The following SLC2A11 variants were observed in gnomAD, a reference collection of about 807,000 sequenced individuals.
SLC2A11 encodes the protein solute carrier family 2 member 11.
SLC2A11 carries 43 observed loss-of-function variants against 52.1 expected under a neutral mutation model. That is an observed-to-expected ratio of 0.82 (90% CI 0.65 to 1.06). The LOEUF is 1.06. Among genes scored for constraint, SLC2A11 ranks in the 50% least tolerant of loss-of-function variants. The pLI is 0.00. For synonymous variants in SLC2A11, 261 were observed against 277.6 expected (o/e 0.94, Z 0.59); for missense variants, 582 against 654.2 (o/e 0.89, Z 1.20).
intron 3 of SLC2A11, chr22:23,869,025 G>A: frequency 5.1e-6 from 1 of 196,644 alleles, no homozygotes; most frequent in East Asian, 1.2e-4. Flanking sequence ...GAAGGATAGT[G>A]GGGCAGCTCA....
At chr22:23,873,816 C>T (rs1051547757) in intron 3 of SLC2A11, among the ~76,000 whole-genome samples, 1 of 152,144 alleles carries the variant, frequency 6.6e-6, no homozygotes, top group Non-Finnish European at 1.5e-5. Context: ...ATTGGAGTTA[C>T]CACTGGATCG....
Position 23,884,393 on chromosome 22 carries a change from G to A in SLC2A11, c.1263G>A (p.Met421Ile). Residue 421 changes from methionine (M) to isoleucine (I), a missense_variant, in exon 11 of 12, where the codon ATG (methionine) becomes ATA (isoleucine). By Grantham distance (10) the Met-to-Ile change is conservative. Coordinates refer to ENST00000316185, the MANE Select transcript of SLC2A11 (RefSeq NM_001024939.4). This position sits in a 1 kb window ranked among gnomAD's most constrained non-coding sequence, Gnocchi z 4.3. ...CMVCGALMWI[M>I]LILVGLGFPF... ...TCTGCGGGGCGCTCATGTGGATCATGCTCATCCTGGTCGGCCTGGGATTTC... is the reference window on the plus strand; with the variant it reads ...TCTGCGGGGCGCTCATGTGGATCATACTCATCCTGGTCGGCCTGGGATTTC... 1 of 1,614,008 alleles carries A rather than the reference G, an allele frequency of 6.2e-7. No homozygotes were observed. The highest frequency in any genetic ancestry group is 1.3e-5 in the African/African-American group (1 of 75,042).
intron 8 of SLC2A11, 188 bp downstream of exon 8, chr22:23,883,057 G>A (rs746394797): frequency 5.9e-6 from 4 of 680,422 alleles, no homozygotes; most frequent in East Asian, 2.8e-5. Flanking sequence ...TCAGGAGTTC[G>A]AGACCAGCCT....
chr22:23,880,855 A>G (rs2146140260), intron 6 of SLC2A11: 1 of 152,310 alleles, frequency 6.6e-6, no homozygotes, highest in South Asian at 2.1e-4. Flanking sequence ...CAGCAAGCTT[A>G]GAATATGCAT....
chr22:23,879,140 T>A (rs1223557225), intron 6 of SLC2A11, among the ~76,000 whole-genome samples: 2 of 152,076 alleles, frequency 1.3e-5, no homozygotes, highest in African/African-American at 4.8e-5. Flanking sequence ...TTCTTTTATT[T>A]TTTTTATTTT....
In SLC2A11 at chr22:23,886,144, C is replaced by T. The variant is rs2032989070; in HGVS notation, c.*1295C>T. The T allele has an allele frequency of 6.6e-6, 1 of 152,216 alleles. No homozygotes were observed. Among genetic ancestry groups the T allele is most frequent in the Non-Finnish European group, 1.5e-5 (1 of 68,062 alleles). The allele number at this position is 152,216 out of a possible 1,614,324, so 9.4% of individuals were successfully genotyped here. On this transcript the variant is annotated 3_prime_UTR_variant, in exon 12 of 12. Transcript: ENST00000316185. ...GGCTCCAGATAAAGTTTTTGGGATT[C>T]ATGAATGTTGTTGCACGTATTAGGA... is the stretch of plus-strand genomic sequence containing the variant.
rs754514821 is a variant in SLC2A11 at position 23,877,028 on chromosome 22, G to C, written c.416-14G>C. The C allele has an allele frequency of 5.0e-6, 8 of 1,613,880 alleles. No homozygotes were observed. The highest frequency in any genetic ancestry group is 3.3e-4 in the Middle Eastern group (2 of 6,060). On this transcript the variant is annotated splice_polypyrimidine_tract_variant and intron_variant, in intron 4 of 11. Coordinates refer to ENST00000316185, the MANE Select transcript of SLC2A11 (RefSeq NM_001024939.4). ...AGCTGGTGGCTGACGTGCCTCTGCT[G>C]TGCACACGTCCAGGTGTGAGCATGA...
chr22:23,883,054 TTC>T (rs2032883594), intron 8 of SLC2A11, 185 bp downstream of exon 8: 12 of 683,510 alleles, frequency 1.8e-5, no homozygotes, highest in Non-Finnish European at 3.2e-5. Flanking sequence ...AGGTCAGGAG[TTC>T]GAGACCAGCC....
At chr22:23,866,367 G>T in intron 2 of SLC2A11, 1 of 164,500 alleles carries the variant, frequency 6.1e-6, no homozygotes. Flanking sequence ...GCTGGGCAGG[G>T]GAGAGCTGGC....
chr22:23,868,275 G>A, intron 2 of SLC2A11: 1 of 586,062 alleles, frequency 1.7e-6, no homozygotes. Context: ...GAGAGATATT[G>A]CCCATGAAAG....
chr22:23,882,974 T>C (rs767280904), intron 8 of SLC2A11, 105 bp downstream of exon 8: 11 of 1,095,140 alleles, frequency 1.0e-5, no homozygotes, highest in African/African-American at 1.6e-5. Context: ...TAAAATGCAG[T>C]GAGGGGCCAG....
intron 3 of SLC2A11, among the ~76,000 whole-genome samples, chr22:23,874,766 T>C (rs2032561847): frequency 6.6e-6 from 1 of 152,062 alleles, no homozygotes; most frequent in African/African-American, 2.4e-5. Flanking sequence ...TTTTTTTGTA[T>C]TTTTTGTAGA....
chr22:23,869,971 A>G lies in SLC2A11; in HGVS notation c.290+1330A>G, dbSNP rs557553226. On this transcript the variant is annotated intron_variant, in intron 3 of 11. Transcript: ENST00000316185. ...TTATAAAGCACTAGTCCCATCAATGAAGGTGGAGTTCTCATGGCCTAATCA... is the reference window on the plus strand; with the variant it reads ...TTATAAAGCACTAGTCCCATCAATGGAGGTGGAGTTCTCATGGCCTAATCA... 8 of 717,486 alleles carry G rather than the reference A, an allele frequency of 1.1e-5. No individual in the cohort carries two copies. The South Asian group carries it at 1.2e-4, about 11-fold the overall frequency. The allele number at this position is 717,486 out of a possible 1,614,324, so 44.4% of individuals were successfully genotyped here.
At position 23,882,592 on chromosome 22, in the gene SLC2A11, G is replaced by C. The variant is rs1323426470; in HGVS notation, c.828G>C (p.Gln276His). The C allele has an allele frequency of 1.9e-6, 3 of 1,613,482 alleles. No homozygotes were observed. Among genetic ancestry groups the C allele is most frequent in the South Asian group, 2.2e-5 (2 of 91,044 alleles). Residue 276 changes from glutamine (Q) to histidine (H), a missense_variant, in exon 7 of 12, where the codon CAG becomes CAC. Physicochemically the swap from Gln to His is conservative, Grantham distance 24. Transcript: ENST00000316185. ...TCCAGCATCGGGCCCTGAGGAGACA[G>C]GTGACAAGCCTCGTGGTTCTGGGCA... ...ELFQHRALRR[Q>H]VTSLVVLGSA...
Position 23,884,673 on chromosome 22 carries a change from G to A in SLC2A11, c.1324G>A (p.Val442Ile). 1 of 1,613,882 alleles carries A rather than the reference G, an allele frequency of 6.2e-7. No homozygotes were observed. Among genetic ancestry groups the A allele is most frequent in the Non-Finnish European group, 8.5e-7 (1 of 1,179,928 alleles). ...IMEALSHFLY[V>I]PFLGVCVCGA... is the part of the protein sequence containing the mutation. ...GGAGGCCTTGTCCCACTTCCTCTAT[G>A]TCCCTTTCCTTGGTGTCTGTGTCTG... Residue 442 changes from valine (V) to isoleucine (I), a missense_variant, in exon 12 of 12, where the codon GTC becomes ATC. Transcript: ENST00000316185. The surrounding 1 kb of genome is among the most constrained non-coding windows in gnomAD (Gnocchi z 4.3).
chr22:23,873,495 A>T (rs2032524509), intron 3 of SLC2A11, among the ~76,000 whole-genome samples: 1 of 151,978 alleles, frequency 6.6e-6, no homozygotes, highest in Non-Finnish European at 1.5e-5. Context: ...TTTTTAGTAG[A>T]GATGGGGTTT....
At chr22:23,857,710 T>TTCACTGCGCC, upstream of SLC2A11, 1 of 730,944 alleles carries the variant, frequency 1.4e-6, no homozygotes, top group Non-Finnish European at 1.7e-6. Flanking sequence ...GGCTCTGCGC[T>TTCACTGCGCC]TCACTGCGCC....
chr22:23,862,588 C>T (rs1451000840), intron 2 of SLC2A11, among the ~76,000 whole-genome samples: 1 of 152,168 alleles, frequency 6.6e-6, no homozygotes, highest in Non-Finnish European at 1.5e-5. Flanking sequence ...CAGCCTCTCC[C>T]CACCTTGATC....
chr22:23,857,352 C>T (rs2031870785), upstream of SLC2A11: 1 of 1,414,132 alleles, frequency 7.1e-7, no homozygotes, highest in East Asian at 2.4e-5. Context: ...CGCTTGCTGG[C>T]ACTTGCGAGG....
Sources: allele counts gnomAD v4.1 joint callset (sites outside exome capture counted in the v4.1 genomes callset), GRCh38; gene constraint gnomAD v4.1.1; non-coding constraint Gnocchi (gnomAD v3.1); transcripts MANE v1.5; gene names NCBI Gene and HGNC (gene_info 2026-07-23, HGNC 2026-07-21).